The following URGCP variants were observed in gnomAD, a reference collection of about 807,000 sequenced individuals.
URGCP encodes the protein upregulator of cell proliferation, also known as up-regulator of cell proliferation.
Under a neutral mutation model 24.6 loss-of-function variants are expected in URGCP, and 13 were observed. That is an observed-to-expected ratio of 0.53 (90% CI 0.34 to 0.84). The LOEUF is 0.84. URGCP is among the 40% of genes least tolerant of loss of function. The pLI is 0.01. For synonymous variants in URGCP, 444 were observed against 487.2 expected (o/e 0.91, Z 1.17); for missense variants, 899 against 1,194.3 (o/e 0.75, Z 3.64).
chr7:43,915,751 G>A (rs536241980), intron 1 of URGCP, among the ~76,000 whole-genome samples: 9 of 152,384 alleles, frequency 5.9e-5, no homozygotes, highest in Admixed American at 5.9e-4. Context: ...GCTCATGCCT[G>A]TAATCCCAGC....
chr7:43,919,788 TCTC>T (rs1323350862), intron 1 of URGCP: 10 of 1,322,770 alleles, frequency 7.6e-6, no homozygotes, highest in Non-Finnish European at 9.8e-6. Flanking sequence ...GTCGAGGAAG[TCTC>T]CTTACCTGCC....
At chr7:43,887,281 TA>T in intron 3 of URGCP, 133 bp downstream of exon 3, 1 of 1,009,126 alleles carries the variant, frequency 9.9e-7, no homozygotes, top group Admixed American at 3.5e-5. Context: ...AAAGGAAAAA[TA>T]AAAGCCTTAA....
chr7:43,878,489 A>G lies in URGCP; in HGVS notation c.974T>C (p.Leu325Ser). ...GGCCACAGGTTCTGGGAAAATGTCC[A>G]AGTCCTCCCTTCCGCTGGGAAAAAA... Reference protein sequence around the residue: ...SWFFPSGREDLDIFPEPVAFL... With the variant: ...SWFFPSGREDSDIFPEPVAFL... Residue 325 changes from leucine (L) to serine (S), a missense_variant, in exon 6 of 6, where the codon TTG (leucine) becomes TCG (serine). Transcript: ENST00000453200. This position sits in a 1 kb window ranked among gnomAD's most constrained non-coding sequence, Gnocchi z 5.6. 1 of 1,614,194 alleles carries G rather than the reference A, an allele frequency of 6.2e-7. No homozygotes were observed.
chr7:43,921,288 T>C (rs979162117), intron 1 of URGCP, among the ~76,000 whole-genome samples: 1 of 150,756 alleles, frequency 6.6e-6, no homozygotes, highest in Non-Finnish European at 1.5e-5. Context: ...ATCACGCCAC[T>C]GCACTCCAGC....
chr7:43,920,455 C>T (rs1026577780), intron 1 of URGCP, among the ~76,000 whole-genome samples: 1 of 152,096 alleles, frequency 6.6e-6, no homozygotes, highest in Non-Finnish European at 1.5e-5. Context: ...CCTAGCTACT[C>T]AGTAGGCTGA....
chr7:43,881,642 G>A lies in URGCP; in HGVS notation c.202+17C>T, dbSNP rs575243265. On this transcript the variant is annotated intron_variant, in intron 5 of 5. Coordinates refer to ENST00000453200, the MANE Select transcript of URGCP (RefSeq NM_001077663.3). Reference sequence around the variant, plus strand: ...CCCTTTCATAGAACAGAGAGAAAAGGCAGAGAAAATGCTTACCTGTTGGAA... The same window carrying A: ...CCCTTTCATAGAACAGAGAGAAAAGACAGAGAAAATGCTTACCTGTTGGAA... 1.9e-6 allele frequency: 3 copies of A among 1,614,000 alleles called. No homozygotes were observed. Among genetic ancestry groups the A allele is most frequent in the African/African-American group, 2.7e-5 (2 of 75,006 alleles).
intron 1 of URGCP, among the ~76,000 whole-genome samples, chr7:43,891,796 T>TC (rs1195751448): frequency 2.0e-5 from 3 of 151,948 alleles, no homozygotes; most frequent in Non-Finnish European, 4.4e-5. Flanking sequence ...TGTATTTTTT[T>TC]CCCCCCGAGA....
At chr7:43,891,062 T>C (rs2095869905) in intron 1 of URGCP, among the ~76,000 whole-genome samples, 1 of 152,264 alleles carries the variant, frequency 6.6e-6, no homozygotes, top group Non-Finnish European at 1.5e-5. Flanking sequence ...TTAGCAGACC[T>C]GGGTGTTCAG....
chr7:43,920,064 C>T (rs2095920439), intron 1 of URGCP: 2 of 1,290,514 alleles, frequency 1.5e-6, no homozygotes, highest in Non-Finnish European at 2.2e-6. Flanking sequence ...CAGTGAGTCC[C>T]CTAGGACAGG....
Position 43,875,936 on chromosome 7 carries a change from G to A in URGCP, c.*731C>T, listed in dbSNP as rs1470638090. Reference sequence around the variant, plus strand: ...CATTCATTTAACAGACATTTATTAAGCGTCTACAATGTGCCAGGCCCTGGG... The same window carrying A: ...CATTCATTTAACAGACATTTATTAAACGTCTACAATGTGCCAGGCCCTGGG... On this transcript the variant is annotated 3_prime_UTR_variant, in exon 6 of 6. Transcript: ENST00000453200. 2.6e-5 allele frequency: 4 copies of A among 152,436 alleles called. No homozygotes were observed. Among genetic ancestry groups the A allele is most frequent in the African/African-American group, 9.7e-5 (4 of 41,446 alleles). The allele number at this position is 152,436 out of a possible 1,614,324, so 9.4% of individuals were successfully genotyped here. A position where few individuals can be genotyped will look rare whatever the true frequency, so the allele number is the denominator to read the frequency against.
intron 3 of URGCP, among the ~76,000 whole-genome samples, chr7:43,886,388 C>T (rs575877590): frequency 2.6e-4 from 39 of 151,246 alleles, no homozygotes; most frequent in Non-Finnish European, 5.6e-4. Flanking sequence ...TTTTTTTTGG[C>T]AGTTAAAACA....
chr7:43,923,185 T>C (rs747693285), intron 1 of URGCP, among the ~76,000 whole-genome samples: 23 of 152,052 alleles, frequency 1.5e-4, no homozygotes, highest in Non-Finnish European at 1.9e-4. Context: ...GGTTTCACCA[T>C]ATTGGCCAGG....
intron 1 of URGCP, among the ~76,000 whole-genome samples, chr7:43,899,643 A>T (rs566226814): frequency 3.3e-5 from 5 of 152,346 alleles, no homozygotes; most frequent in African/African-American, 1.2e-4. Context: ...GTAAAAGGAG[A>T]TCCCAGAAAT....
upstream of URGCP, among the ~76,000 whole-genome samples, chr7:43,907,463 C>A (rs4724256): frequency 0.12 from 17,683 of 151,814 alleles, 1,166 homozygotes; most frequent in Admixed American, 0.18. Context: ...TGAGATGACC[C>A]CCTGCCCGCC....
intron 1 of URGCP, among the ~76,000 whole-genome samples, chr7:43,917,874 G>T (rs2095917096): frequency 6.6e-6 from 1 of 152,122 alleles, no homozygotes. Context: ...TGAGGAGGGA[G>T]GGTTGCTTGA....
At chr7:43,912,360 G>A (rs529963095) in intron 1 of URGCP, among the ~76,000 whole-genome samples, 5 of 152,250 alleles carry the variant, frequency 3.3e-5, no homozygotes, top group African/African-American at 7.2e-5. Flanking sequence ...TTAGCCAGGC[G>A]TGGTGGCGCA....
At chr7:43,891,697 TGCAAC>T (rs1312242313) in intron 1 of URGCP, among the ~76,000 whole-genome samples, 1 of 152,208 alleles carries the variant, frequency 6.6e-6, no homozygotes, top group Admixed American at 6.5e-5. Context: ...ACTGCTTTCT[TGCAAC>T]GCAATTTCAT....
rs149011939 is a variant in URGCP at position 43,903,326 on chromosome 7, T to C, written c.14+3236A>G. On this transcript the variant is annotated intron_variant, in intron 1 of 5. Transcript: ENST00000453200. Reference sequence around the variant, plus strand: ...CAGAGCAAGGAACAAACTTAGTATGTAAATGCAAAGGAAAACATCTGTCAG... The same window carrying C: ...CAGAGCAAGGAACAAACTTAGTATGCAAATGCAAAGGAAAACATCTGTCAG... Among the ~76,000 whole-genome samples the C allele has an allele frequency of 4.1e-4, 63 of 152,248 alleles. 1 individual carries two copies. In the East Asian group the frequency reaches 0.012, roughly 28 times the overall value.
upstream of URGCP, among the ~76,000 whole-genome samples, chr7:43,909,960 T>C (rs2095908161): frequency 6.6e-6 from 1 of 152,162 alleles, no homozygotes; most frequent in Admixed American, 6.5e-5. Context: ...GGAGAATTGC[T>C]TGAACCCGGG....
Sources: gnomAD v4.1 joint callset for allele counts (sites outside exome capture counted in the v4.1 genomes callset) on GRCh38, gnomAD v4.1.1 for gene constraint, Gnocchi (gnomAD v3.1) non-coding constraint, MANE v1.5 for transcripts, NCBI Gene and HGNC (gene_info 2026-07-23, HGNC 2026-07-21) for gene names.